The following GLRA1 variants were observed in gnomAD, a reference collection of about 807,000 sequenced individuals.
GLRA1 encodes glycine receptor alpha 1.
In GLRA1, 37 loss-of-function variants were observed where a neutral mutation model predicts 48.3. The ratio of observed to expected loss-of-function variants is 0.77; its 90% CI spans 0.59 to 1.01. The LOEUF is 1.01. GLRA1 is among the 50% of genes least tolerant of loss of function. GLRA1 has a pLI of 0.00. For missense variants in GLRA1, 427 were observed against 571.0 expected (o/e 0.75, Z 2.57); for synonymous variants, 196 against 210.7 (o/e 0.93, Z 0.60).
intron 1 of GLRA1, 58 bp from the exon 2 acceptor site, chr5:151,892,496 C>A: frequency 1.3e-6 from 2 of 1,592,822 alleles, no homozygotes; most frequent in South Asian, 1.1e-5. Flanking sequence ...ATGCTGTGAT[C>A]AGATCCCAGC....
chr5:151,873,114 T>TA (rs1753528902), intron 3 of GLRA1, among the ~76,000 whole-genome samples: 1 of 149,596 alleles, frequency 6.7e-6, no homozygotes, highest in Non-Finnish European at 1.5e-5. Context: ...TAATGCACTT[T>TA]AAAAAAATGT....
intron 3 of GLRA1, among the ~76,000 whole-genome samples, chr5:151,881,009 A>G (rs1050268113): frequency 2.0e-5 from 3 of 152,270 alleles, no homozygotes; most frequent in Non-Finnish European, 4.4e-5. Flanking sequence ...AGAAATACAC[A>G]TACTTATATC....
At chr5:151,823,124 A>G in intron 8 of GLRA1, 161 bp from the exon 9 acceptor site, 1 of 642,200 alleles carries the variant, frequency 1.6e-6, no homozygotes, top group Non-Finnish European at 2.6e-6. Context: ...CTGGCTGGGG[A>G]GTTCTGCCTT....
chr5:151,892,660 A>C (rs1754109422), intron 1 of GLRA1, among the ~76,000 whole-genome samples: 1 of 152,218 alleles, frequency 6.6e-6, no homozygotes, highest in African/African-American at 2.4e-5. Context: ...TGTCTGATTG[A>C]TGCTGAGAAG....
chr5:151,831,373 G>A (rs527830342), intron 7 of GLRA1, among the ~76,000 whole-genome samples: 5 of 152,296 alleles, frequency 3.3e-5, no homozygotes, highest in South Asian at 2.1e-4. Flanking sequence ...CCATCCCCAC[G>A]GAGCCCAGCA....
At chr5:151,835,420 T>G (rs1055852999) in intron 7 of GLRA1, among the ~76,000 whole-genome samples, 12 of 152,208 alleles carry the variant, frequency 7.9e-5, no homozygotes. Context: ...CTAACTCATT[T>G]TATGAGGCCA....
At chr5:151,922,987 C>G (rs1754917440) in intron 1 of GLRA1, among the ~76,000 whole-genome samples, 1 of 152,212 alleles carries the variant, frequency 6.6e-6, no homozygotes, top group South Asian at 2.1e-4. Context: ...GATAAAGGAT[C>G]TCATATTATA....
intron 8 of GLRA1, among the ~76,000 whole-genome samples, chr5:151,823,363 G>A (rs1763191920): frequency 6.6e-6 from 1 of 152,194 alleles, no homozygotes; most frequent in African/African-American, 2.4e-5. Context: ...ACCATCAGAG[G>A]TTATAATTGA....
intron 1 of GLRA1, among the ~76,000 whole-genome samples, chr5:151,896,316 A>C (rs985143886): frequency 6.6e-6 from 1 of 152,224 alleles, no homozygotes; most frequent in Non-Finnish European, 1.5e-5. Flanking sequence ...GTCACACAGC[A>C]CTTTAAAGAG....
At chr5:151,834,282 A>T (rs1482026712) in intron 7 of GLRA1, among the ~76,000 whole-genome samples, 1 of 152,214 alleles carries the variant, frequency 6.6e-6, no homozygotes, top group African/African-American at 2.4e-5. Context: ...AGTCTCTCAG[A>T]CCACAGCACA....
chr5:151,924,829 G>T lies in GLRA1; in HGVS notation c.-280C>A, dbSNP rs1209921352. 3 of 525,838 alleles carry T rather than the reference G, an allele frequency of 5.7e-6. No individual in the cohort carries two copies. Among genetic ancestry groups the T allele is most frequent in the African/African-American group, 3.9e-5 (2 of 51,938 alleles). The allele number at this position is 525,838 out of a possible 1,614,324, so 32.6% of individuals were successfully genotyped here. A position where few individuals can be genotyped will look rare whatever the true frequency, so the allele number is the denominator to read the frequency against. ...ATTGCTGTTTGTTAAACTCCAGCGTGTCTGTTGGCTCCCTGCGGCGCTGGG... is the reference window on the plus strand; with the variant it reads ...ATTGCTGTTTGTTAAACTCCAGCGTTTCTGTTGGCTCCCTGCGGCGCTGGG... On this transcript the variant is annotated 5_prime_UTR_variant, in exon 1 of 9. Coordinates refer to ENST00000274576, the MANE Select transcript of GLRA1 (RefSeq NM_000171.4).
At chr5:151,830,101 C>T (rs1242951477) in intron 7 of GLRA1, among the ~76,000 whole-genome samples, 1 of 152,208 alleles carries the variant, frequency 6.6e-6, no homozygotes, top group East Asian at 1.9e-4. Context: ...TGCCCTATTC[C>T]TGTCATAATC....
At chr5:151,858,486 G>T (rs1215102735) in intron 4 of GLRA1, among the ~76,000 whole-genome samples, 1 of 152,186 alleles carries the variant, frequency 6.6e-6, no homozygotes, top group African/African-American at 2.4e-5. Context: ...AATCCAAGCA[G>T]GCTGACCTTA....
chr5:151,860,060 A>G (rs769717473), intron 3 of GLRA1, 52 bp from the exon 4 acceptor site: 5 of 1,401,134 alleles, frequency 3.6e-6, no homozygotes, highest in Non-Finnish European at 5.1e-6. Flanking sequence ...AAGGACATCA[A>G]CTTTTGGAGG....
intron 8 of GLRA1, among the ~76,000 whole-genome samples, chr5:151,824,385 C>G (rs910512310): frequency 6.6e-6 from 1 of 152,112 alleles, no homozygotes; most frequent in African/African-American, 2.4e-5. Flanking sequence ...TGCTTAGAAC[C>G]TTTTAATAGG....
chr5:151,869,272 T>G (rs1030352121), intron 3 of GLRA1, among the ~76,000 whole-genome samples: 2 of 151,554 alleles, frequency 1.3e-5, no homozygotes, highest in Non-Finnish European at 2.9e-5. Flanking sequence ...CCTGGCTAAT[T>G]TTTGTATTGT....
chr5:151,883,152 C>T (rs1197725788), intron 3 of GLRA1, among the ~76,000 whole-genome samples: 2 of 152,168 alleles, frequency 1.3e-5, no homozygotes, highest in Non-Finnish European at 2.9e-5. Flanking sequence ...CATTTGTGGT[C>T]TACCCTCAAG....
At chr5:151,837,836 G>A (rs574535867) in intron 7 of GLRA1, among the ~76,000 whole-genome samples, 1 of 152,290 alleles carries the variant, frequency 6.6e-6, no homozygotes, top group South Asian at 2.1e-4. Context: ...GGGAGGGATA[G>A]CATTAGGAGA....
chr5:151,879,303 A>G (rs963178088), intron 3 of GLRA1, among the ~76,000 whole-genome samples: 1 of 146,890 alleles, frequency 6.8e-6, no homozygotes, highest in South Asian at 2.2e-4. Flanking sequence ...CTGTACCCCC[A>G]TTGTATCTAG....
Sources: allele counts gnomAD v4.1 joint callset (sites outside exome capture counted in the v4.1 genomes callset), GRCh38; gene constraint gnomAD v4.1.1; transcripts MANE v1.5; gene names NCBI Gene and HGNC (gene_info 2026-07-23, HGNC 2026-07-21).